TTN: variants seen among roughly 807,000 people sequenced by gnomAD.
TTN encodes connectin.
Under a neutral mutation model 3,223.0 loss-of-function variants are expected in TTN, and 1,525 were observed. That is an observed-to-expected ratio of 0.47 (90% CI 0.45 to 0.49). TTN has a LOEUF of 0.49. Among genes scored for constraint, TTN ranks in the 20% least tolerant of loss-of-function variants. TTN has a pLI of 0.00. For synonymous variants in TTN, 14,094 were observed against 15,161.0 expected (o/e 0.93, Z 5.17); for missense variants, 40,786 against 43,424.0 (o/e 0.94, Z 5.40).
chr2:178,752,058 ACCTTT>A, intron 47 of TTN: 1 of 1,255,772 alleles, frequency 8.0e-7, no homozygotes, highest in Non-Finnish European at 1.1e-6. Context: ...AAAAAAAAAA[ACCTTT>A]ACTATTTTCC....
chr2:178,688,575 TG>T, intron 126 of TTN, 101 bp downstream of exon 126: 1 of 829,550 alleles, frequency 1.2e-6, no homozygotes, highest in East Asian at 2.5e-5. Flanking sequence ...GAGAAATAAC[TG>T]ATGAGGACAT....
At position 178,674,355 on chromosome 2, in the gene TTN, G is replaced by C; in HGVS notation, c.34667C>G (p.Pro11556Arg). Residue 11556 changes from proline to arginine, a missense_variant, in exon 151 of 363, where the codon CCA (proline) becomes CGA (arginine). Pro to Arg is a moderately radical substitution (Grantham distance 103). Coordinates refer to ENST00000589042, the MANE Select transcript of TTN (RefSeq NM_001267550.2). Reference protein sequence around the residue: ...PISEEEIPEEPPSIEEVEEVA... With the variant: ...PISEEEIPEERPSIEEVEEVA... ...CTCTTCAACTTCCTCTATGCTAGGT[G>C]GTTCTTCTGGGATTTCTTCTTCTGA... 6.3e-7 allele frequency: 1 copy of C among 1,596,860 alleles called. No homozygotes were observed. The highest frequency in any genetic ancestry group is 1.1e-5 in the South Asian group (1 of 87,778).
At chr2:178,788,871 A>G (rs1241864299) in intron 13 of TTN, among the ~76,000 whole-genome samples, 3 of 152,036 alleles carry the variant, frequency 2.0e-5, no homozygotes, top group African/African-American at 4.8e-5. Flanking sequence ...CTCCTCTGAT[A>G]TTTACAGGAG....
In TTN at chr2:178,712,709, G is replaced by A; in HGVS notation, c.27316C>T (p.Leu9106Phe). 1 of 1,613,366 alleles carries A rather than the reference G, an allele frequency of 6.2e-7. No homozygotes were observed. Among genetic ancestry groups the A allele is most frequent in the Non-Finnish European group, 8.5e-7 (1 of 1,179,420 alleles). Residue 9106 changes from leucine to phenylalanine, a missense_variant, in exon 94 of 363, where the codon CTC (leucine) becomes TTC (phenylalanine). By Grantham distance (22) the Leu-to-Phe change is conservative. Coordinates refer to ENST00000589042, the MANE Select transcript of TTN (RefSeq NM_001267550.2). Reference sequence around the variant, plus strand: ...CAGTCTGACAAACCTTTTATGTAGAGATGTGTTGTACAAGAAGCCTTGCCA... The same window carrying A: ...CAGTCTGACAAACCTTTTATGTAGAAATGTGTTGTACAAGAAGCCTTGCCA... ...EAGKASCTTH[L>F]YIKAPAKFVK...
rs765888475 is a variant in TTN, at chr2:178,672,286, T to A, written c.34931-19A>T. 3.6e-5 allele frequency: 58 copies of A among 1,598,166 alleles called. No individual in the cohort carries two copies. The highest frequency in any genetic ancestry group is 5.0e-5 in the Non-Finnish European group (58 of 1,171,554). On this transcript the variant is annotated intron_variant, in intron 154 of 362. Transcript: ENST00000589042. ...GTTCTCCCTGAAAGAGCATCTATTTTAAGACTTATTTTTTTAAACACTGAA... is the reference window on the plus strand; with the variant it reads ...GTTCTCCCTGAAAGAGCATCTATTTAAAGACTTATTTTTTTAAACACTGAA...
In TTN at chr2:178,592,883, C is replaced by T. The variant is rs372802352; in HGVS notation, c.59236G>A (p.Gly19746Ser). 3.2e-5 allele frequency: 52 copies of T among 1,613,296 alleles called. No homozygotes were observed. The African/African-American group carries it at 4.0e-4, about 12-fold the overall frequency. Residue 19746 changes from glycine (G) to serine (S), a missense_variant, in exon 300 of 363, where the codon GGT becomes AGT. Transcript: ENST00000589042. ...SCPETKYKVTGLRDGQTYKFR... is the reference protein window; with the variant it reads ...SCPETKYKVTSLRDGQTYKFR... ...TTATAGGTTTGACCGTCCCGAAGAC[C>T]GGTGACTTTATATTTAGTTTCAGGA...
chr2:178,771,124 C>G, intron 34 of TTN, 87 bp downstream of exon 34: 2 of 1,588,088 alleles, frequency 1.3e-6, no homozygotes, highest in Non-Finnish European at 1.7e-6. Flanking sequence ...TTTATGGTAT[C>G]CAAAATGGCC....
intron 78 of TTN, 113 bp from the exon 79 acceptor site, chr2:178,721,315 G>C (rs923090501): frequency 1.1e-6 from 1 of 907,850 alleles, no homozygotes; most frequent in Non-Finnish European, 1.5e-6. Context: ...TTGTTATTAA[G>C]AATATACTTT....
Position 178,718,603 on chromosome 2 carries a change from A to G in TTN, c.24506-3T>C, listed in dbSNP as rs781476090. The stretch of plus-strand genomic sequence containing the variant: ...TCTTTTCACAAAGGTGGCTGGTTCT[A>G]TAAGGAGAAAACATGTGGGTAAAAT... On this transcript the variant is annotated splice_region_variant and splice_polypyrimidine_tract_variant and intron_variant, in intron 84 of 362. Coordinates refer to ENST00000589042, the MANE Select transcript of TTN (RefSeq NM_001267550.2). 4 of 1,609,694 alleles carry G rather than the reference A, an allele frequency of 2.5e-6. No individual in the cohort carries two copies. The highest frequency in any genetic ancestry group is 2.2e-5 in the South Asian group (2 of 90,544).
chr2:178,778,142 GC>G, intron 24 of TTN, 167 bp from the exon 25 acceptor site: 1 of 879,620 alleles, frequency 1.1e-6, no homozygotes, highest in Non-Finnish European at 1.7e-6. Flanking sequence ...TATTATTGTT[GC>G]CCCCACAACT....
chr2:178,695,800 GA>G, intron 114 of TTN, 64 bp downstream of exon 114: 1 of 1,272,380 alleles, frequency 7.9e-7, no homozygotes. Context: ...TCATAGCATT[GA>G]AAATTTAATG....
chr2:178,597,521 A>G lies in TTN; in HGVS notation c.57544+17T>C. The G allele has an allele frequency of 6.2e-7, 1 of 1,602,898 alleles. No homozygotes were observed. Among genetic ancestry groups the G allele is most frequent in the South Asian group, 1.1e-5 (1 of 88,978 alleles). ...TGTTGGTTTAAAAAGTTGCACAGAC[A>G]AATTGAAAGTATTTACCTAATACAT... is the stretch of plus-strand genomic sequence containing the variant. On this transcript the variant is annotated intron_variant, in intron 294 of 362. Coordinates refer to ENST00000589042, the MANE Select transcript of TTN (RefSeq NM_001267550.2).
In TTN at chr2:178,533,020, T is replaced by G; in HGVS notation, c.103595A>C (p.Glu34532Ala). The change falls in exon 358 of 363, where the codon GAG (glutamate) becomes GCG (alanine). Residue 34532 changes from glutamate to alanine, a missense_variant. Glu to Ala is a moderately radical substitution (Grantham distance 107, BLOSUM62 -1). Coordinates refer to ENST00000589042, the MANE Select transcript of TTN (RefSeq NM_001267550.2). ...EFRLEIEEKK[E>A]ERKLRMPYDV... The stretch of plus-strand genomic sequence containing the variant: ...ATAAGGCATCCGGAGTTTTCTCTCC[T>G]CCTTCTTTTCTTCTATCTCAAGTCT... 6.2e-7 allele frequency: 1 copy of G among 1,613,884 alleles called. No homozygotes were observed. The highest frequency in any genetic ancestry group is 8.5e-7 in the Non-Finnish European group (1 of 1,179,866).
Position 178,701,161 on chromosome 2 carries a change from G to A in TTN, c.30641C>T (p.Pro10214Leu). 10 of 1,613,692 alleles carry A rather than the reference G, an allele frequency of 6.2e-6. No homozygotes were observed. The highest frequency in any genetic ancestry group is 8.5e-6 in the Non-Finnish European group (10 of 1,179,764). The change falls in exon 111 of 363, where the codon CCA becomes CTA. Residue 10214 changes from proline (P) to leucine (L), a missense_variant. By Grantham distance (98) the Pro-to-Leu change is moderately conservative. Coordinates refer to ENST00000589042, the MANE Select transcript of TTN (RefSeq NM_001267550.2). ...VVAPPIPLLL[P>L]TPEEKKPPPK... ...TGGTGGTTTCTTTTCTTCGGGTGTT[G>A]GTAGCAAAAGGGGGATAGGAGGAGC...
chr2:178,776,199 C>T lies in TTN; in HGVS notation c.5665G>A (p.Val1889Ile). ...AGGTAATGGATACCATCATAGCGAACTCTGAACCTTTTGCTTTTGCGGATG... is the reference window on the plus strand; with the variant it reads ...AGGTAATGGATACCATCATAGCGAATTCTGAACCTTTTGCTTTTGCGGATG... ...QLIRKSKRFR[V>I]RYDGIHYLDI... Residue 1889 changes from valine (V) to isoleucine (I), a missense_variant, in exon 28 of 363, where the codon GTT becomes ATT. Transcript: ENST00000589042. The T allele has an allele frequency of 6.2e-7, 1 of 1,614,166 alleles. No individual in the cohort carries two copies. Among genetic ancestry groups the T allele is most frequent in the Non-Finnish European group, 8.5e-7 (1 of 1,180,006 alleles).
At chr2:178,603,067 T>A (rs552960477) in intron 282 of TTN, among the ~76,000 whole-genome samples, 10 of 152,146 alleles carry the variant, frequency 6.6e-5, no homozygotes, top group African/African-American at 2.4e-4. Context: ...ATAACAATCC[T>A]TTACCTTTCT....
In TTN at chr2:178,629,378, AGGTGGCTGTTTCCCCTGCAGTCAC is replaced by A. The variant is rs1388156393; in HGVS notation, c.44323_44346del (p.Val14775_Thr14782del). On this transcript the variant is annotated inframe_deletion, in exon 240 of 363. Transcript: ENST00000589042. ...TCTTCGTAGGAGAGCTCGCAGTCGA[AGGTGGCTGTTTCCCCTGCAGTCAC>A]GGTGACATCCTTTAAAGGCCTCAGA... 1 of 1,613,012 alleles carries A rather than the reference AGGTGGCTGTTTCCCCTGCAGTCAC, an allele frequency of 6.2e-7. No homozygotes were observed. The highest frequency in any genetic ancestry group is 8.5e-7 in the Non-Finnish European group (1 of 1,179,350).
rs1060500551 is a variant in TTN, at chr2:178,617,328, G to A, written c.47757C>T (p.Tyr15919=). The change falls in exon 254 of 363, where the codon TAC becomes TAT. Residue 15919 remains tyrosine, a synonymous_variant. Transcript: ENST00000589042. ...CNMKLVPELT[Y]KVTGLEKGNK... ...TTTTTATATGCAAATGACCTACCTT[G>A]TAAGTCAGTTCAGGGACAAGTTTCA... 2 of 1,572,126 alleles carry A rather than the reference G, an allele frequency of 1.3e-6. No homozygotes were observed. The highest frequency in any genetic ancestry group is 1.4e-5 in the African/African-American group (1 of 72,978).
chr2:178,613,904 G>C lies in TTN; in HGVS notation c.49379C>G (p.Ser16460Cys), dbSNP rs397517596. The C allele has an allele frequency of 2.4e-5, 38 of 1,610,120 alleles. No individual in the cohort carries two copies. Among genetic ancestry groups the C allele is most frequent in the Non-Finnish European group, 3.1e-5 (36 of 1,177,996 alleles). The change falls in exon 263 of 363, where the codon TCT becomes TGT. Residue 16460 changes from serine (S) to cysteine (C), a missense_variant. Ser to Cys is a moderately radical substitution (Grantham distance 112). Coordinates refer to ENST00000589042, the MANE Select transcript of TTN (RefSeq NM_001267550.2). ...AGTCACTGCGTCTTTAGTGATATCA[G>C]AAGGTTCTAGGCGAGTTGGAGGACC... ...PPGPPTRLEP[S>C]DITKDAVTLT...
Sources: gnomAD v4.1 joint callset for allele counts (sites outside exome capture counted in the v4.1 genomes callset) on GRCh38, gnomAD v4.1.1 for gene constraint, MANE v1.5 for transcripts, NCBI Gene and HGNC (gene_info 2026-07-23, HGNC 2026-07-21) for gene names.